ANKRD26: variants seen among roughly 807,000 people sequenced by gnomAD.
ANKRD26 encodes the protein ankyrin repeat domain 26, also known as ankyrin repeat domain-containing protein 26.
ANKRD26 carries 141 observed loss-of-function variants against 208.7 expected under a neutral mutation model. The observed-to-expected ratio is 0.68, with a 90% CI of 0.59 to 0.78. The LOEUF (loss-of-function observed/expected upper bound fraction) is 0.78. ANKRD26 is among the 30% of genes least tolerant of loss of function. The pLI, the probability that ANKRD26 is intolerant of heterozygous loss-of-function variation, is 0.00. For synonymous variants in ANKRD26, 636 were observed against 660.4 expected (o/e 0.96, Z 0.57); for missense variants, 1,889 against 1,938.7 (o/e 0.97, Z 0.48).
chr10:26,987,050 A>G (rs2052401357), downstream of ANKRD26, among the ~76,000 whole-genome samples: 1 of 152,218 alleles, frequency 6.6e-6, no homozygotes, highest in Admixed American at 6.5e-5. Flanking sequence ...ACAATGATAG[A>G]CTGGATTAAG....
rs2052799270 is a variant in ANKRD26 at position 27,004,393 on chromosome 10, T to C, written c.*1197A>G. The C allele has an allele frequency of 6.6e-6, 1 of 152,116 alleles. No homozygotes were observed. The highest frequency in any genetic ancestry group is 6.5e-5 in the Admixed American group (1 of 15,272). 9.4% of individuals were successfully genotyped at this position (152,116 alleles called of 1,614,324 possible). A position where few individuals can be genotyped will look rare whatever the true frequency, so the allele number is the denominator to read the frequency against. On this transcript the variant is annotated 3_prime_UTR_variant, in exon 34 of 34. Transcript: ENST00000376087. ...AACCATGAATCCATGGTTTATTTGA[T>C]ACAAGCAAATGAATAAATTGAGGGT...
intron 4 of ANKRD26, among the ~76,000 whole-genome samples, chr10:27,091,423 T>G (rs1319041301): frequency 6.6e-6 from 1 of 152,082 alleles, no homozygotes; most frequent in Non-Finnish European, 1.5e-5. Context: ...CTGTCTTTCT[T>G]CCCTTTGCCC....
chr10:26,972,526 TCTTA>T (rs2052164777), downstream of ANKRD26, among the ~76,000 whole-genome samples: 1 of 151,792 alleles, frequency 6.6e-6, no homozygotes, highest in Admixed American at 6.6e-5. Context: ...AGATACTGAT[TCTTA>T]CTTAGTAAAA....
At chr10:27,063,909 T>A in intron 12 of ANKRD26, 79 bp downstream of exon 12, 1 of 1,162,408 alleles carries the variant, frequency 8.6e-7, no homozygotes, top group Non-Finnish European at 1.3e-6. Flanking sequence ...TTTCTTCGGC[T>A]ATTAGAATAT....
At chr10:27,079,056 T>C in intron 7 of ANKRD26, 33 bp downstream of exon 7, 1 of 1,559,924 alleles carries the variant, frequency 6.4e-7, no homozygotes, top group Non-Finnish European at 8.8e-7. Context: ...AGATTCAGAG[T>C]AAGAAAATTA....
chr10:27,005,482 CAT>C lies in ANKRD26; in HGVS notation c.*106_*107del, dbSNP rs2052839245. ...AAATACTATATAAATTTTGATCTGA[CAT>C]ATATGATACAAAAATACGTTCCTTT... is the stretch of plus-strand genomic sequence containing the variant. On this transcript the variant is annotated 3_prime_UTR_variant, in exon 34 of 34. Coordinates refer to ENST00000376087, the MANE Select transcript of ANKRD26 (RefSeq NM_014915.3). The C allele has an allele frequency of 6.5e-7, 1 of 1,529,680 alleles. No homozygotes were observed. The allele number at this position is 1,529,680 out of a possible 1,614,324, so 94.8% of individuals were successfully genotyped here.
At chr10:27,012,767 G>A in intron 32 of ANKRD26, 115 bp downstream of exon 32, 1 of 976,584 alleles carries the variant, frequency 1.0e-6, no homozygotes, top group South Asian at 1.4e-5. Context: ...AGCCAAGATG[G>A]CACCACTGCA....
intron 21 of ANKRD26, 62 bp downstream of exon 21, chr10:27,039,903 A>C: frequency 6.8e-7 from 1 of 1,480,530 alleles, no homozygotes; most frequent in African/African-American, 1.4e-5. Flanking sequence ...CAGCAATTAC[A>C]AGAATTCTAT....
intron 5 of ANKRD26, among the ~76,000 whole-genome samples, chr10:26,992,889 T>C (rs555332784): frequency 1.6e-4 from 25 of 152,256 alleles, no homozygotes; most frequent in African/African-American, 5.5e-4. Context: ...AAATACAACA[T>C]TGAGTTTTTA....
At chr10:27,005,825 GAAAGAAA>G (rs1329432740) in intron 33 of ANKRD26, 102 bp from the exon 34 acceptor site, 1 of 1,424,514 alleles carries the variant, frequency 7.0e-7, no homozygotes, top group Non-Finnish European at 9.4e-7. Flanking sequence ...GTATTAATAA[GAAAGAAA>G]AATATGTATG....
At chr10:27,026,488 GA>G (rs1322279954) in intron 27 of ANKRD26, among the ~76,000 whole-genome samples, 1 of 151,848 alleles carries the variant, frequency 6.6e-6, no homozygotes, top group South Asian at 2.1e-4. Context: ...ATGAAATCTA[GA>G]AAAAAAACTT....
At chr10:27,061,576 T>TC (rs1246961886) in intron 12 of ANKRD26, among the ~76,000 whole-genome samples, 1 of 146,764 alleles carries the variant, frequency 6.8e-6, no homozygotes, top group Non-Finnish European at 1.5e-5. Flanking sequence ...TTTTTTTTTT[T>TC]TGATACAGAG....
At chr10:26,972,715 C>A (rs1027542448), downstream of ANKRD26, among the ~76,000 whole-genome samples, 1 of 151,656 alleles carries the variant, frequency 6.6e-6, no homozygotes, top group Non-Finnish European at 1.5e-5. Context: ...CTCAGCCTCC[C>A]GAGCAGCTGG....
chr10:27,030,709 A>G, intron 25 of ANKRD26: 1 of 444,140 alleles, frequency 2.3e-6, no homozygotes, highest in Non-Finnish European at 3.0e-6. Context: ...CTTATATTTA[A>G]TTACTTAAAA....
intron 9 of ANKRD26, among the ~76,000 whole-genome samples, chr10:27,070,237 T>C (rs1252228206): frequency 1.3e-5 from 2 of 151,234 alleles, no homozygotes; most frequent in African/African-American, 4.9e-5. Flanking sequence ...CCATCTCTAC[T>C]AAAAATACAA....
intron 5 of ANKRD26, among the ~76,000 whole-genome samples, chr10:26,979,647 G>T (rs558393133): frequency 6.6e-6 from 1 of 152,170 alleles, no homozygotes; most frequent in Non-Finnish European, 1.5e-5. Flanking sequence ...GAGAGCTCAC[G>T]TTATGATTAT....
chr10:26,956,072 A>G, the ANKRD26 span, among the ~76,000 whole-genome samples: 1 of 152,208 alleles, frequency 6.6e-6, no homozygotes, highest in African/African-American at 2.4e-5. Context: ...TAGAAATCAC[A>G]CTTTGATACT....
In ANKRD26 at chr10:27,005,371, G is replaced by A; in HGVS notation, c.*219C>T. On this transcript the variant is annotated 3_prime_UTR_variant, in exon 34 of 34. Transcript: ENST00000376087. ...GGCTGTTTAAACAGCTCACATTTGGGCAGTTTGAGTATGTAAAACTCAATA... is the reference window on the plus strand; with the variant it reads ...GGCTGTTTAAACAGCTCACATTTGGACAGTTTGAGTATGTAAAACTCAATA... 7.9e-7 allele frequency: 1 copy of A among 1,262,720 alleles called. No homozygotes were observed. Among genetic ancestry groups the A allele is most frequent in the Non-Finnish European group, 1.0e-6 (1 of 999,550 alleles). The allele number at this position is 1,262,720 out of a possible 1,614,324, so 78.2% of individuals were successfully genotyped here.
chr10:26,973,422 G>A (rs1402141426), downstream of ANKRD26, among the ~76,000 whole-genome samples: 1 of 148,108 alleles, frequency 6.8e-6, no homozygotes, highest in Non-Finnish European at 1.5e-5. Flanking sequence ...TTGTTATTTT[G>A]ATTAATATTT....
Sources: allele counts gnomAD v4.1 joint callset (sites outside exome capture counted in the v4.1 genomes callset), GRCh38; gene constraint gnomAD v4.1.1; transcripts MANE v1.5; gene names NCBI Gene and HGNC (gene_info 2026-07-23, HGNC 2026-07-21).